Variants in SGCD observed in about 807,000 individuals in gnomAD.
The protein encoded by SGCD is delta-sarcoglycan.
SGCD carries 18 observed loss-of-function variants against 36.6 expected under a neutral mutation model. The ratio of observed to expected loss-of-function variants is 0.49; its 90% CI spans 0.34 to 0.73. The LOEUF (loss-of-function observed/expected upper bound fraction) is 0.73. Among genes scored for constraint, SGCD ranks in the 30% least tolerant of loss-of-function variants. The probability of loss-of-function intolerance (pLI) is 0.01; values close to 1 mark genes in which losing one functional copy is unlikely to be tolerated. For synonymous variants in SGCD, 133 were observed against 130.6 expected (o/e 1.02, Z -0.12); for missense variants, 387 against 346.7 (o/e 1.12, Z -0.92).
chr5:156,354,441 A>C (rs1455058597), intron 3 of SGCD, among the ~76,000 whole-genome samples: 2 of 152,212 alleles, frequency 1.3e-5, no homozygotes, highest in East Asian at 3.9e-4. Context: ...TGCAAATTAT[A>C]GACTTTGGAG....
At chr5:156,474,835 A>T (rs1375673736) in intron 3 of SGCD, among the ~76,000 whole-genome samples, 3 of 152,144 alleles carry the variant, frequency 2.0e-5, no homozygotes, top group African/African-American at 7.2e-5. Context: ...ATATACGTGC[A>T]TTGGATCTCA....
At chr5:156,248,664 G>A (rs1348629209) in intron 3 of SGCD, among the ~76,000 whole-genome samples, 4 of 152,154 alleles carry the variant, frequency 2.6e-5, no homozygotes, top group East Asian at 1.9e-4. Flanking sequence ...GACTTTATTC[G>A]AAGACGATAG....
intron 7 of SGCD, among the ~76,000 whole-genome samples, chr5:156,711,377 C>A (rs77840693): frequency 2.1e-3 from 318 of 152,312 alleles, no homozygotes; most frequent in African/African-American, 7.4e-3. Flanking sequence ...CTACTAAGTT[C>A]CTGCAAATGT....
At chr5:156,085,455 C>T (rs1396478867) in intron 1 of SGCD, among the ~76,000 whole-genome samples, 1 of 152,166 alleles carries the variant, frequency 6.6e-6, no homozygotes, top group Non-Finnish European at 1.5e-5. Flanking sequence ...GAAGTGCCTG[C>T]TCCCACTCTG....
At chr5:156,148,178 C>T (rs1471226252) in intron 3 of SGCD, among the ~76,000 whole-genome samples, 1 of 152,090 alleles carries the variant, frequency 6.6e-6, no homozygotes, top group East Asian at 1.9e-4. Flanking sequence ...TAATGAACAA[C>T]AAAAACTCTA....
the SGCD span, among the ~76,000 whole-genome samples, chr5:155,851,406 G>GT: frequency 8.6e-5 from 13 of 152,010 alleles, no homozygotes; most frequent in East Asian, 5.8e-4. Context: ...ACATCTTGGT[G>GT]TTTTTTTTGT....
At chr5:156,059,335 T>G (rs1760144461) in intron 1 of SGCD, among the ~76,000 whole-genome samples, 1 of 146,362 alleles carries the variant, frequency 6.8e-6, no homozygotes, top group South Asian at 2.2e-4. Flanking sequence ...AGGAAACTTG[T>G]ATTGTGAGAG....
At chr5:156,758,621 TCA>T (rs1424533492) in intron 8 of SGCD, among the ~76,000 whole-genome samples, 1 of 152,176 alleles carries the variant, frequency 6.6e-6, no homozygotes, top group Non-Finnish European at 1.5e-5. Flanking sequence ...AGTGGCTACC[TCA>T]CATATGCAGT....
At chr5:156,069,511 G>C (rs1760464943) in intron 1 of SGCD, among the ~76,000 whole-genome samples, 1 of 152,092 alleles carries the variant, frequency 6.6e-6, no homozygotes, top group Non-Finnish European at 1.5e-5. Context: ...GTACCGTGCT[G>C]TTTTGGTTAC....
chr5:155,820,388 A>G, the SGCD span, among the ~76,000 whole-genome samples: 18 of 152,290 alleles, frequency 1.2e-4, no homozygotes, highest in African/African-American at 4.3e-4. Flanking sequence ...GTCCGGGTGC[A>G]GTGACTCATG....
intron 3 of SGCD, among the ~76,000 whole-genome samples, chr5:156,188,040 C>T (rs905063223): frequency 2.6e-5 from 4 of 152,116 alleles, no homozygotes; most frequent in African/African-American, 4.8e-5. Context: ...CTGTCATGTT[C>T]GGGGTCATGC....
At chr5:156,639,297 G>A (rs1714074640) in intron 6 of SGCD, among the ~76,000 whole-genome samples, 1 of 152,128 alleles carries the variant, frequency 6.6e-6, no homozygotes, top group African/African-American at 2.4e-5. Flanking sequence ...AACTTGTCCA[G>A]TATCATATTC....
intron 6 of SGCD, among the ~76,000 whole-genome samples, chr5:156,635,526 C>A (rs1312399061): frequency 1.3e-5 from 2 of 152,054 alleles, no homozygotes; most frequent in Non-Finnish European, 2.9e-5. Context: ...CCAGCCATCC[C>A]ATTACTGGGT....
intron 4 of SGCD, among the ~76,000 whole-genome samples, chr5:156,540,429 T>G (rs1024097828): frequency 6.6e-6 from 1 of 152,140 alleles, no homozygotes; most frequent in African/African-American, 2.4e-5. Context: ...CATATTTATA[T>G]CTGTGGCAAT....
At chr5:156,647,338 G>C (rs1581326060) in intron 6 of SGCD, 126 bp from the exon 7 acceptor site, 1 of 587,730 alleles carries the variant, frequency 1.7e-6, no homozygotes, top group Non-Finnish European at 3.0e-6. Flanking sequence ...AAAGCCAGTG[G>C]AAAAATATGT....
At chr5:155,970,496 A>T (rs1333242709) in intron 1 of SGCD, among the ~76,000 whole-genome samples, 2 of 152,166 alleles carry the variant, frequency 1.3e-5, no homozygotes, top group Non-Finnish European at 2.9e-5. Flanking sequence ...ATTGTAAAGG[A>T]TTTACTTCAG....
intron 3 of SGCD, among the ~76,000 whole-genome samples, chr5:156,315,437 A>C (rs1767491562): frequency 6.6e-6 from 1 of 151,870 alleles, no homozygotes; most frequent in Non-Finnish European, 1.5e-5. Flanking sequence ...TGTATCAATC[A>C]CATTTTCTTT....
At chr5:156,646,537 T>C (rs1376966060) in intron 6 of SGCD, among the ~76,000 whole-genome samples, 2 of 152,140 alleles carry the variant, frequency 1.3e-5, no homozygotes, top group Non-Finnish European at 2.9e-5. Flanking sequence ...TTGAATATAA[T>C]GGAGCATTTC....
intron 7 of SGCD, among the ~76,000 whole-genome samples, chr5:156,652,118 T>C (rs932513824): frequency 2.0e-5 from 3 of 152,132 alleles, no homozygotes; most frequent in African/African-American, 7.2e-5. Context: ...TGATTTTATT[T>C]ATCTTTATTG....
Sources: allele counts gnomAD v4.1 joint callset (sites outside exome capture counted in the v4.1 genomes callset), GRCh38; gene constraint gnomAD v4.1.1; transcripts MANE v1.5; gene names NCBI Gene and HGNC (gene_info 2026-07-23, HGNC 2026-07-21).